The following GLYATL3 variants were observed in gnomAD, a reference collection of about 807,000 sequenced individuals.
The protein encoded by GLYATL3 is glycine-N-acyltransferase like 3.
Under a neutral mutation model 28.5 loss-of-function variants are expected in GLYATL3, and 31 were observed. That is an observed-to-expected ratio of 1.09 (90% CI 0.82 to 1.47). The LOEUF (loss-of-function observed/expected upper bound fraction) is 1.47. Among genes scored for constraint, GLYATL3 ranks in the 40% most tolerant of loss-of-function variants. GLYATL3 has a pLI of 0.00. For synonymous variants in GLYATL3, 141 were observed against 140.2 expected (o/e 1.01, Z -0.04); for missense variants, 369 against 351.5 (o/e 1.05, Z -0.40).
At chr6:49,519,863 C>G (rs1480833601) in intron 4 of GLYATL3, among the ~76,000 whole-genome samples, 2 of 152,194 alleles carry the variant, frequency 1.3e-5, no homozygotes, top group East Asian at 3.9e-4. Flanking sequence ...AAGTATACAG[C>G]TACCCACACA....
intron 1 of GLYATL3, among the ~76,000 whole-genome samples, chr6:49,507,649 C>T (rs895071066): frequency 3.9e-5 from 6 of 152,058 alleles, no homozygotes; most frequent in African/African-American, 1.2e-4. Flanking sequence ...TGCACTGAGC[C>T]GAGGAACAAA....
chr6:49,522,987 T>TA (rs1005739153), intron 5 of GLYATL3, among the ~76,000 whole-genome samples: 31 of 147,846 alleles, frequency 2.1e-4, no homozygotes, highest in African/African-American at 5.2e-4. Context: ...AAATGAGTCT[T>TA]AAAAAAAAAA....
At position 49,503,953 on chromosome 6, in the gene GLYATL3, G is replaced by A. The variant is rs147350358; in HGVS notation, c.-29+3911G>A. ...CTGAAGGTTGGGCAGGACAACGATCGTCTACAGAACCAGGCATCCAAATAC... is the reference window on the plus strand; with the variant it reads ...CTGAAGGTTGGGCAGGACAACGATCATCTACAGAACCAGGCATCCAAATAC... On this transcript the variant is annotated intron_variant, in intron 1 of 5. Transcript: ENST00000371197. Among the ~76,000 whole-genome samples, 17 of 152,278 alleles carry A rather than the reference G, an allele frequency of 1.1e-4. No individual in the cohort carries two copies. In the East Asian group the frequency reaches 2.3e-3, roughly 21 times the overall value.
At chr6:49,524,809 A>C (rs1030060100) in intron 5 of GLYATL3, among the ~76,000 whole-genome samples, 62 of 151,882 alleles carry the variant, frequency 4.1e-4, no homozygotes, top group African/African-American at 1.4e-3. Flanking sequence ...GCAAAACTCC[A>C]TATCTACTGA....
At chr6:49,501,969 T>C (rs1314631891) in intron 1 of GLYATL3, among the ~76,000 whole-genome samples, 3 of 152,216 alleles carry the variant, frequency 2.0e-5, no homozygotes, top group African/African-American at 7.2e-5. Flanking sequence ...ATTCATAGGC[T>C]GTCTGCAGGG....
At position 49,515,670 on chromosome 6, in the gene GLYATL3, G is replaced by A; in HGVS notation, c.96G>A (p.Met32Ile). 6.5e-7 allele frequency: 1 copy of A among 1,549,472 alleles called. No individual in the cohort carries two copies. The highest frequency in any genetic ancestry group is 8.7e-7 in the Non-Finnish European group (1 of 1,145,002). The change falls in exon 3 of 6, where the codon ATG (methionine) becomes ATA (isoleucine). Residue 32 changes from methionine (M) to isoleucine (I), a missense_variant. Coordinates refer to ENST00000371197, the MANE Select transcript of GLYATL3 (RefSeq NM_001010904.2). ...PESLKVYGAV[M>I]NINRGNPFQK... ...TGACTCAGGTTTACGGAGCGGTGATGAACATAAATCGTGGGAACCCCTTTC... is the reference window on the plus strand; with the variant it reads ...TGACTCAGGTTTACGGAGCGGTGATAAACATAAATCGTGGGAACCCCTTTC...
chr6:49,510,948 T>C (rs1259112201), intron 1 of GLYATL3, among the ~76,000 whole-genome samples: 1 of 152,170 alleles, frequency 6.6e-6, no homozygotes, highest in African/African-American at 2.4e-5. Context: ...AATTGAATAT[T>C]CAGGGTATCT....
At chr6:49,500,576 C>T (rs1449503954) in intron 1 of GLYATL3, among the ~76,000 whole-genome samples, 1 of 152,128 alleles carries the variant, frequency 6.6e-6, no homozygotes, top group African/African-American at 2.4e-5. Context: ...TAGATGCTTG[C>T]TCTGTGCTTA....
intron 5 of GLYATL3, among the ~76,000 whole-genome samples, chr6:49,522,208 T>C (rs1393424582): frequency 6.6e-6 from 1 of 152,146 alleles, no homozygotes; most frequent in Admixed American, 6.6e-5. Context: ...TTAAATATAT[T>C]ATCCCATTAG....
At chr6:49,507,584 C>G (rs1039054970) in intron 1 of GLYATL3, among the ~76,000 whole-genome samples, 3 of 152,056 alleles carry the variant, frequency 2.0e-5, no homozygotes, top group African/African-American at 7.2e-5. Context: ...AAAAGCATAC[C>G]CAGGGACCTT....
chr6:49,508,947 A>C (rs1282895784), intron 1 of GLYATL3, among the ~76,000 whole-genome samples: 1 of 152,134 alleles, frequency 6.6e-6, no homozygotes, highest in African/African-American at 2.4e-5. Flanking sequence ...ACTGCACTCC[A>C]ACCTGGGCAA....
intron 4 of GLYATL3, among the ~76,000 whole-genome samples, chr6:49,518,827 G>A (rs1430191428): frequency 6.6e-6 from 1 of 152,186 alleles, no homozygotes; most frequent in African/African-American, 2.4e-5. Context: ...TGTAGTCCCA[G>A]CTACTCAGGA....
At chr6:49,510,461 T>C (rs1485679512) in intron 1 of GLYATL3, among the ~76,000 whole-genome samples, 2 of 152,216 alleles carry the variant, frequency 1.3e-5, no homozygotes, top group Non-Finnish European at 2.9e-5. Context: ...TATTCAGGCA[T>C]AAAAAGATCT....
chr6:49,501,094 A>G (rs1472794650), intron 1 of GLYATL3, among the ~76,000 whole-genome samples: 1 of 152,168 alleles, frequency 6.6e-6, no homozygotes, highest in Non-Finnish European at 1.5e-5. Context: ...AATTAAGTAG[A>G]GGTTTTGCTA....
intron 1 of GLYATL3, among the ~76,000 whole-genome samples, chr6:49,509,293 C>A (rs1311235541): frequency 6.6e-6 from 1 of 152,120 alleles, no homozygotes; most frequent in Non-Finnish European, 1.5e-5. Context: ...TTCCTGTCAG[C>A]CTCTGGTTAT....
intron 4 of GLYATL3, among the ~76,000 whole-genome samples, chr6:49,518,189 G>T (rs1390907078): frequency 4.6e-5 from 7 of 151,444 alleles, no homozygotes; most frequent in East Asian, 3.9e-4. Flanking sequence ...GCCCTTTTTT[G>T]TTGTTGTTGT....
chr6:49,505,207 C>T (rs888370498), intron 1 of GLYATL3, among the ~76,000 whole-genome samples: 4 of 151,996 alleles, frequency 2.6e-5, no homozygotes, highest in East Asian at 3.9e-4. Flanking sequence ...AGTATGAGAA[C>T]GAATGTGAGT....
At chr6:49,500,538 A>G (rs1246434339) in intron 1 of GLYATL3, among the ~76,000 whole-genome samples, 1 of 152,324 alleles carries the variant, frequency 6.6e-6, no homozygotes, top group South Asian at 2.1e-4. Flanking sequence ...TTTCATTGTT[A>G]TGATAAATAT....
intron 4 of GLYATL3, among the ~76,000 whole-genome samples, chr6:49,518,733 G>C (rs781338232): frequency 6.6e-5 from 10 of 152,148 alleles, no homozygotes; most frequent in Non-Finnish European, 1.5e-4. Flanking sequence ...GAGGTCAGGA[G>C]ATTGAGACCA....
Sources: gnomAD v4.1 joint callset for allele counts (sites outside exome capture counted in the v4.1 genomes callset) on GRCh38, gnomAD v4.1.1 for gene constraint, MANE v1.5 for transcripts, NCBI Gene and HGNC (gene_info 2026-07-23, HGNC 2026-07-21) for gene names.